The following GALNT17 variants were observed in gnomAD, a reference collection of about 807,000 sequenced individuals.
GALNT17 encodes polypeptide N-acetylgalactosaminyltransferase 17.
Under a neutral mutation model 63.7 loss-of-function variants are expected in GALNT17, and 29 were observed. The ratio of observed to expected loss-of-function variants is 0.46; its 90% CI spans 0.34 to 0.62. GALNT17 has a LOEUF of 0.62. Ranked by LOEUF, GALNT17 falls within the 20% of genes least tolerant of loss-of-function variation. The probability of loss-of-function intolerance (pLI) is 0.01; values close to 1 mark genes in which losing one functional copy is unlikely to be tolerated. For missense variants in GALNT17, 603 were observed against 799.6 expected (o/e 0.75, Z 2.97); for synonymous variants, 305 against 318.3 (o/e 0.96, Z 0.45).
intron 6 of GALNT17, among the ~76,000 whole-genome samples, chr7:71,633,945 G>A (rs1790492757): frequency 6.6e-6 from 1 of 152,220 alleles, no homozygotes; most frequent in Admixed American, 6.5e-5. Flanking sequence ...TTGGGTGGAG[G>A]GCCCAAGGGC....
intron 1 of GALNT17, among the ~76,000 whole-genome samples, chr7:71,179,480 T>C (rs1410051543): frequency 1.3e-5 from 2 of 152,236 alleles, no homozygotes; most frequent in Admixed American, 6.5e-5. Flanking sequence ...GAATAAACTT[T>C]CTAAATAAAC....
At chr7:71,199,489 CCA>C (rs1789121616) in intron 1 of GALNT17, among the ~76,000 whole-genome samples, 1 of 151,978 alleles carries the variant, frequency 6.6e-6, no homozygotes, top group Admixed American at 6.6e-5. Context: ...ACTCATCCAT[CCA>C]CACACACATC....
chr7:71,616,653 AATT>A (rs1262447863), intron 6 of GALNT17, among the ~76,000 whole-genome samples: 1 of 142,728 alleles, frequency 7.0e-6, no homozygotes, highest in Non-Finnish European at 1.5e-5. Flanking sequence ...TATAATGTAT[AATT>A]ATAATCATAA....
chr7:71,607,700 A>G (rs960013330), intron 6 of GALNT17, among the ~76,000 whole-genome samples: 4 of 152,230 alleles, frequency 2.6e-5, no homozygotes, highest in Non-Finnish European at 5.9e-5. Context: ...ACATAAAGAT[A>G]TAATCTATGA....
chr7:71,352,584 A>G (rs544457129), intron 2 of GALNT17, among the ~76,000 whole-genome samples: 23 of 152,310 alleles, frequency 1.5e-4, no homozygotes, highest in Admixed American at 6.5e-5. Flanking sequence ...TATCAAATAG[A>G]TGGTTGAACA....
At chr7:71,210,804 T>G (rs551644783) in intron 1 of GALNT17, among the ~76,000 whole-genome samples, 1 of 152,294 alleles carries the variant, frequency 6.6e-6, no homozygotes, top group South Asian at 2.1e-4. Flanking sequence ...CTTAGGAGCA[T>G]TGTTACCAAG....
At chr7:71,624,973 G>C (rs753811452) in intron 6 of GALNT17, among the ~76,000 whole-genome samples, 3 of 152,104 alleles carry the variant, frequency 2.0e-5, no homozygotes, top group Non-Finnish European at 4.4e-5. Context: ...GCTTGTAAGA[G>C]AGTGAAAGTG....
At chr7:71,675,940 A>G (rs938201923) in intron 8 of GALNT17, among the ~76,000 whole-genome samples, 1 of 152,180 alleles carries the variant, frequency 6.6e-6, no homozygotes, top group Non-Finnish European at 1.5e-5. Flanking sequence ...GTGAGTCGAG[A>G]TCGCGCCATT....
At chr7:71,560,981 T>C (rs1173419351) in intron 5 of GALNT17, among the ~76,000 whole-genome samples, 2 of 152,182 alleles carry the variant, frequency 1.3e-5, no homozygotes, top group African/African-American at 4.8e-5. Flanking sequence ...CCGTTGCTGA[T>C]GTAACAAAAT....
intron 7 of GALNT17, among the ~76,000 whole-genome samples, chr7:71,668,406 C>T (rs918004889): frequency 1.4e-5 from 2 of 147,214 alleles, no homozygotes; most frequent in Non-Finnish European, 3.0e-5. Context: ...ATTCCAGCTA[C>T]TCGGGAGGCT....
chr7:71,264,756 CAT>C (rs1790456198), intron 1 of GALNT17, among the ~76,000 whole-genome samples: 1 of 151,950 alleles, frequency 6.6e-6, no homozygotes, highest in African/African-American at 2.4e-5. Flanking sequence ...TGTTCTCACT[CAT>C]ATGTGGAAGT....
At chr7:71,151,750 A>G (rs1788139669) in intron 1 of GALNT17, among the ~76,000 whole-genome samples, 1 of 152,206 alleles carries the variant, frequency 6.6e-6, no homozygotes, top group Non-Finnish European at 1.5e-5. Flanking sequence ...GCTGAGGGAT[A>G]AGTATTGAAA....
rs547731919 is a variant in GALNT17 at position 71,486,775 on chromosome 7, A to G, written c.962+65670A>G. ...CTACTCAGGAGGCTGAGGTGGGAGG[A>G]TTCCCGAAGCCCAGGAGGTCGAGGC... is the stretch of plus-strand genomic sequence containing the variant. On this transcript the variant is annotated intron_variant, in intron 5 of 10. Transcript: ENST00000333538. Among the ~76,000 whole-genome samples the G allele has an allele frequency of 6.0e-5, 9 of 150,342 alleles. No individual in the cohort carries two copies. In the South Asian group the frequency reaches 1.9e-3, roughly 32 times the overall value.
intron 1 of GALNT17, among the ~76,000 whole-genome samples, chr7:71,288,443 C>G (rs1036111007): frequency 2.0e-5 from 3 of 151,954 alleles, no homozygotes; most frequent in Non-Finnish European, 4.4e-5. Flanking sequence ...CAGGGGTTAC[C>G]TGTCCTTTCT....
intron 1 of GALNT17, among the ~76,000 whole-genome samples, chr7:71,148,791 A>G (rs550739981): frequency 6.7e-6 from 1 of 150,160 alleles, no homozygotes; most frequent in South Asian, 2.1e-4. Flanking sequence ...CTCAGGGTAC[A>G]TAAAAATGGA....
intron 1 of GALNT17, among the ~76,000 whole-genome samples, chr7:71,253,117 CAAAT>C (rs1328519259): frequency 7.2e-5 from 11 of 152,188 alleles, no homozygotes; most frequent in African/African-American, 2.7e-4. Context: ...ATCAAAGCCT[CAAAT>C]GAATGCAACC....
At chr7:71,617,767 C>A (rs150720176) in intron 6 of GALNT17, among the ~76,000 whole-genome samples, 1 of 151,998 alleles carries the variant, frequency 6.6e-6, no homozygotes. Flanking sequence ...CTCAGCCTCC[C>A]GAATAGGTGG....
At chr7:71,603,144 C>A (rs1419526384) in intron 6 of GALNT17, among the ~76,000 whole-genome samples, 3 of 150,374 alleles carry the variant, frequency 2.0e-5, no homozygotes, top group African/African-American at 7.4e-5. Flanking sequence ...AGATACTATG[C>A]TAAATGCATA....
chr7:71,609,749 A>G (rs988262179), intron 6 of GALNT17, among the ~76,000 whole-genome samples: 121 of 152,196 alleles, frequency 8.0e-4, no homozygotes, highest in African/African-American at 2.7e-3. Flanking sequence ...ACTATATACT[A>G]TGTACATAAT....
Sources: gnomAD v4.1 joint callset for allele counts (sites outside exome capture counted in the v4.1 genomes callset) on GRCh38, gnomAD v4.1.1 for gene constraint, MANE v1.5 for transcripts, NCBI Gene and HGNC (gene_info 2026-07-23, HGNC 2026-07-21) for gene names.